ADGRL3: variants seen among roughly 807,000 people sequenced by gnomAD.
ADGRL3 encodes the protein calcium-independent alpha-latrotoxin receptor 3.
A neutral mutation model predicts 153.5 loss-of-function variants in ADGRL3; 62 were observed. That is an observed-to-expected ratio of 0.40 (90% CI 0.33 to 0.50). The LOEUF (loss-of-function observed/expected upper bound fraction) is 0.50, where lower values mean the gene tolerates loss of function less well. ADGRL3 is among the 20% of genes least tolerant of loss of function. ADGRL3 has a pLI of 0.47. For missense variants in ADGRL3, 1,641 were observed against 1,859.4 expected, an observed-to-expected ratio of 0.88 and a Z score of 2.16; for synonymous variants, 710 against 672.5, an observed-to-expected ratio of 1.06 and a Z score of -0.86.
chr4:61,358,580 G>C (rs1208102441), intron 1 of ADGRL3, among the ~76,000 whole-genome samples: 1 of 125,428 alleles, frequency 8.0e-6, no homozygotes, highest in East Asian at 2.5e-4. Flanking sequence ...CTGGGCGACA[G>C]AGCGAGACTC....
chr4:61,372,406 T>G (rs1387219111), intron 1 of ADGRL3, among the ~76,000 whole-genome samples: 2 of 151,844 alleles, frequency 1.3e-5, no homozygotes, highest in Non-Finnish European at 3.0e-5. Context: ...AGATGGGTTT[T>G]TGGTGTGGAT....
intron 5 of ADGRL3, among the ~76,000 whole-genome samples, chr4:61,610,363 G>A (rs1478560927): frequency 6.6e-6 from 1 of 151,934 alleles, no homozygotes; most frequent in Non-Finnish European, 1.5e-5. Flanking sequence ...ATTACCCAGG[G>A]GTATGTCAGC....
At chr4:61,264,742 A>C (rs988126375) in intron 1 of ADGRL3, among the ~76,000 whole-genome samples, 2 of 152,010 alleles carry the variant, frequency 1.3e-5, no homozygotes, top group African/African-American at 4.8e-5. Flanking sequence ...CCTATGGCAA[A>C]TACTGCTAGT....
At chr4:61,823,317 G>A (rs1359354657) in intron 9 of ADGRL3, among the ~76,000 whole-genome samples, 1 of 152,162 alleles carries the variant, frequency 6.6e-6, no homozygotes, top group Non-Finnish European at 1.5e-5. Flanking sequence ...GGTATTGCTA[G>A]TCAGTAATGA....
chr4:61,951,040 A>G (rs1310724628), intron 17 of ADGRL3, among the ~76,000 whole-genome samples: 1 of 152,230 alleles, frequency 6.6e-6, no homozygotes, highest in African/African-American at 2.4e-5. Context: ...CATGAAGGGC[A>G]TAATATAAAA....
At chr4:61,608,194 T>C (rs2099040001) in intron 5 of ADGRL3, among the ~76,000 whole-genome samples, 1 of 152,288 alleles carries the variant, frequency 6.6e-6, no homozygotes, top group Non-Finnish European at 1.5e-5. Context: ...CTTCCCACAT[T>C]TGCACACACA....
intron 2 of ADGRL3, among the ~76,000 whole-genome samples, chr4:61,417,891 G>A (rs1278024438): frequency 6.6e-6 from 1 of 152,040 alleles, no homozygotes; most frequent in Non-Finnish European, 1.5e-5. Context: ...AGCAATGAAG[G>A]CCTTCAGTAA....
intron 4 of ADGRL3, among the ~76,000 whole-genome samples, chr4:61,562,319 A>G (rs772147537): frequency 3.9e-5 from 6 of 152,094 alleles, no homozygotes; most frequent in Non-Finnish European, 8.8e-5. Flanking sequence ...GAAGGCTGGA[A>G]CGGCTGTGGC....
At chr4:61,698,277 G>A (rs932824058) in intron 6 of ADGRL3, among the ~76,000 whole-genome samples, 4 of 151,798 alleles carry the variant, frequency 2.6e-5, no homozygotes, top group African/African-American at 7.3e-5. Context: ...CGGTGAAACC[G>A]CGTCTCTACT....
At chr4:61,791,620 A>C (rs1193475555) in intron 8 of ADGRL3, among the ~76,000 whole-genome samples, 1 of 152,206 alleles carries the variant, frequency 6.6e-6, no homozygotes, top group African/African-American at 2.4e-5. Context: ...TCCACTAGGC[A>C]GTGTCCCAGT....
chr4:61,481,328 T>A (rs1209635536), intron 2 of ADGRL3, among the ~76,000 whole-genome samples: 1 of 152,178 alleles, frequency 6.6e-6, no homozygotes, highest in Non-Finnish European at 1.5e-5. Flanking sequence ...GTGTGTGATA[T>A]CTGAGGATGC....
At position 61,395,220 on chromosome 4, in the gene ADGRL3, A is replaced by C. The variant is rs531524522; in HGVS notation, c.-174+12031A>C. 2.1e-4 allele frequency among the ~76,000 whole-genome samples: 32 copies of C among 152,142 alleles called. 1 individual carries two copies. The East Asian group carries it at 5.0e-3, about 24-fold the overall frequency. On this transcript the variant is annotated intron_variant, in intron 2 of 26. Transcript: ENST00000683033. Reference sequence around the variant, plus strand: ...ATTCTAGACAAAGTATAAATATCCAAGAAAAATGAATGCTTCTTCTCATTA... The same window carrying C: ...ATTCTAGACAAAGTATAAATATCCACGAAAAATGAATGCTTCTTCTCATTA...
At chr4:61,668,880 A>G (rs2094896394) in intron 5 of ADGRL3, among the ~76,000 whole-genome samples, 1 of 152,104 alleles carries the variant, frequency 6.6e-6, no homozygotes, top group Non-Finnish European at 1.5e-5. Context: ...TTAGGTGGGC[A>G]TGGTTATGTG....
chr4:61,717,136 T>G (rs2096132485), intron 6 of ADGRL3, among the ~76,000 whole-genome samples: 1 of 152,008 alleles, frequency 6.6e-6, no homozygotes, highest in Non-Finnish European at 1.5e-5. Context: ...CCACGCTGTT[T>G]CCAAATGTGT....
chr4:61,979,544 T>A lies in ADGRL3; in HGVS notation c.2806-19T>A, dbSNP rs748200725. 6.2e-7 allele frequency: 1 copy of A among 1,610,888 alleles called. No homozygotes were observed. The highest frequency in any genetic ancestry group is 8.5e-7 in the Non-Finnish European group (1 of 1,177,842). ...GTTATGCATAAGCGCAACTTATGGC[T>A]TTTTCATTGTGTTTCCAGCACAGTG... On this transcript the variant is annotated intron_variant, in intron 17 of 26. Coordinates refer to ENST00000683033, the MANE Select transcript of ADGRL3 (RefSeq NM_001387552.1).
chr4:61,667,703 T>C (rs1420107193), intron 5 of ADGRL3, among the ~76,000 whole-genome samples: 1 of 152,230 alleles, frequency 6.6e-6, no homozygotes, highest in Non-Finnish European at 1.5e-5. Context: ...CTGTCATCTA[T>C]AGCAATATGC....
At chr4:61,258,930 G>T (rs1427219062) in intron 1 of ADGRL3, among the ~76,000 whole-genome samples, 1 of 151,956 alleles carries the variant, frequency 6.6e-6, no homozygotes, top group African/African-American at 2.4e-5. Flanking sequence ...TCCTTAAATC[G>T]CATATCAAAA....
chr4:61,964,576 A>G (rs950160011), intron 17 of ADGRL3, among the ~76,000 whole-genome samples: 1 of 151,974 alleles, frequency 6.6e-6, no homozygotes, highest in African/African-American at 2.4e-5. Flanking sequence ...ATAACTTCCC[A>G]ACTCTTTCAA....
intron 1 of ADGRL3, among the ~76,000 whole-genome samples, chr4:61,349,295 C>T (rs2095992449): frequency 6.6e-6 from 1 of 151,952 alleles, no homozygotes. Context: ...TCGTAATTTT[C>T]AACATTTAAA....
Sources: allele counts gnomAD v4.1 joint callset (sites outside exome capture counted in the v4.1 genomes callset), GRCh38; gene constraint gnomAD v4.1.1; transcripts MANE v1.5; gene names NCBI Gene and HGNC (gene_info 2026-07-23, HGNC 2026-07-21).